Variants in SDK1 observed in about 807,000 individuals in gnomAD.
SDK1 encodes the protein protein sidekick-1.
In SDK1, 157 loss-of-function variants were observed where a neutral mutation model predicts 245.5. The ratio of observed to expected loss-of-function variants is 0.64; its 90% confidence interval spans 0.56 to 0.73. The LOEUF is 0.73. SDK1 is among the 30% of genes least tolerant of loss of function. The pLI is 0.00. For synonymous variants in SDK1, 1,647 were observed against 1,278.5 expected (o/e 1.29, Z -6.15); for missense variants, 3,583 against 3,002.3 (o/e 1.19, Z -4.52).
chr7:3,462,838 G>A (rs991249044), intron 1 of SDK1, among the ~76,000 whole-genome samples: 1 of 152,144 alleles, frequency 6.6e-6, no homozygotes, highest in Non-Finnish European at 1.5e-5. Context: ...TTTCTAGTCT[G>A]TCTGGGACTC....
At chr7:3,504,160 C>G (rs568642755) in intron 1 of SDK1, among the ~76,000 whole-genome samples, 2 of 95,886 alleles carry the variant, frequency 2.1e-5, no homozygotes, top group East Asian at 5.4e-4. Flanking sequence ...AAAAAAAAAC[C>G]AAAAAAATTA....
At chr7:3,675,582 T>C (rs1005592905) in intron 4 of SDK1, among the ~76,000 whole-genome samples, 1 of 151,884 alleles carries the variant, frequency 6.6e-6, no homozygotes, top group African/African-American at 2.4e-5. Context: ...TTTGTTTGTT[T>C]GTTTGTAAAG....
Position 3,429,591 on chromosome 7 carries a change from G to A in SDK1, c.298+127707G>A, listed in dbSNP as rs1315027494. The stretch of plus-strand genomic sequence containing the variant: ...TGTAATTTGATACCCAGTCCACACT[G>A]CAAAAGCCTATTTTTTTTTTTTTTT... On this transcript the variant is annotated intron_variant, in intron 1 of 44. Transcript: ENST00000404826. Among the ~76,000 whole-genome samples the A allele has an allele frequency of 2.7e-5, 4 of 148,888 alleles. No individual in the cohort carries two copies. In the East Asian group the frequency reaches 7.9e-4, roughly 29 times the overall value.
At chr7:3,430,510 A>T (rs1040717647) in intron 1 of SDK1, among the ~76,000 whole-genome samples, 1 of 152,038 alleles carries the variant, frequency 6.6e-6, no homozygotes, top group Admixed American at 6.6e-5. Flanking sequence ...ACTTGAAACA[A>T]GCTTCCTCCT....
Position 3,971,533 on chromosome 7 carries a change from C to T in SDK1, c.1782C>T (p.His594=). ...VVIKGTTATL[H]CGATHDPRVS... The stretch of plus-strand genomic sequence containing the variant: ...TTAAGGGGACCACGGCCACGCTGCA[C>T]TGTGGTGCCACACATGACCCCCGGG... The change falls in exon 12 of 45, where the codon CAC becomes CAT. Residue 594 remains histidine (H), a synonymous_variant. Coordinates refer to ENST00000404826, the MANE Select transcript of SDK1 (RefSeq NM_152744.4). 1 of 1,613,646 alleles carries T rather than the reference C, an allele frequency of 6.2e-7. No homozygotes were observed. The highest frequency in any genetic ancestry group is 8.5e-7 in the Non-Finnish European group (1 of 1,179,778).
At chr7:3,921,797 C>T (rs1226928672) in intron 5 of SDK1, among the ~76,000 whole-genome samples, 1 of 152,016 alleles carries the variant, frequency 6.6e-6, no homozygotes, top group Non-Finnish European at 1.5e-5. Context: ...CAGACCCCAT[C>T]TCTATAAAAA....
intron 2 of SDK1, among the ~76,000 whole-genome samples, chr7:3,629,935 C>CAAGAAAA (rs1345841213): frequency 2.0e-5 from 3 of 151,948 alleles, no homozygotes; most frequent in Non-Finnish European, 4.4e-5. Flanking sequence ...AAAGTAGAGA[C>CAAGAAAA]ACGAAAAACA....
chr7:4,074,886 GTATATA>G (rs1240017364), intron 20 of SDK1, among the ~76,000 whole-genome samples: 9 of 48,108 alleles, frequency 1.9e-4, no homozygotes, highest in East Asian at 4.3e-4. Flanking sequence ...CTCTCTCTCT[GTATATA>G]TATATATATA....
At chr7:4,073,913 C>T (rs529576370) in intron 20 of SDK1, among the ~76,000 whole-genome samples, 1 of 152,160 alleles carries the variant, frequency 6.6e-6, no homozygotes, top group Non-Finnish European at 1.5e-5. Flanking sequence ...AGCGATTTAT[C>T]CCCTAGTGCT....
intron 4 of SDK1, among the ~76,000 whole-genome samples, chr7:3,747,534 A>G (rs147469381): frequency 1.7e-4 from 26 of 152,340 alleles, no homozygotes; most frequent in Non-Finnish European, 2.9e-4. Context: ...GGCCTTGTCT[A>G]TGCAGGACAG....
At chr7:3,621,466 C>G (rs925633642) in intron 2 of SDK1, among the ~76,000 whole-genome samples, 1 of 152,140 alleles carries the variant, frequency 6.6e-6, no homozygotes, top group African/African-American at 2.4e-5. Flanking sequence ...TCAAAGAACC[C>G]AGATTGTTCT....
At position 3,969,394 on chromosome 7, in the gene SDK1, C is replaced by T; in HGVS notation, c.1684C>T (p.Leu562=). 1 of 1,605,690 alleles carries T rather than the reference C, an allele frequency of 6.2e-7. No homozygotes were observed. The highest frequency in any genetic ancestry group is 1.7e-4 in the Middle Eastern group (1 of 6,048). ...CTATGCGGCCAACACAGAGGGCTCCCTGAATGCATCGGCCACGCTCACTGT... is the reference window on the plus strand; with the variant it reads ...CTATGCGGCCAACACAGAGGGCTCCTTGAATGCATCGGCCACGCTCACTGT... ...TCYAANTEGS[L]NASATLTVWN... Residue 562 remains leucine (L), a synonymous_variant, in exon 11 of 45, where the codon CTG becomes TTG. Coordinates refer to ENST00000404826, the MANE Select transcript of SDK1 (RefSeq NM_152744.4).
rs532058914 is a variant in SDK1, at chr7:3,478,822, G to A, written c.299-140258G>A. On this transcript the variant is annotated intron_variant, in intron 1 of 44. Transcript: ENST00000404826. ...TTCAGCCTATATTCTTTTATCATTT[G>A]AACATTTAAATGTGTACGTTTTTTT... 2.6e-5 allele frequency among the ~76,000 whole-genome samples: 4 copies of A among 151,406 alleles called. No individual in the cohort carries two copies. The East Asian group carries it at 7.8e-4, about 30-fold the overall frequency.
At chr7:4,091,303 T>C (rs984778446) in intron 22 of SDK1, among the ~76,000 whole-genome samples, 2 of 151,768 alleles carry the variant, frequency 1.3e-5, no homozygotes, top group Admixed American at 6.6e-5. Flanking sequence ...CTGGCTTAGA[T>C]TTCTCCACAT....
At chr7:3,991,585 T>C (rs547465314) in intron 14 of SDK1, among the ~76,000 whole-genome samples, 17 of 152,258 alleles carry the variant, frequency 1.1e-4, no homozygotes, top group African/African-American at 3.9e-4. Context: ...GCTGCTTAAT[T>C]TCACTCAGAA....
intron 5 of SDK1, among the ~76,000 whole-genome samples, chr7:3,841,763 A>T (rs965853173): frequency 1.3e-5 from 2 of 151,930 alleles, no homozygotes; most frequent in African/African-American, 4.8e-5. Context: ...GGGTTTCACT[A>T]TGTTGGTCAG....
Position 4,178,716 on chromosome 7 carries a change from C to CACAT in SDK1, c.5098+130_5098+131insACAT, listed in dbSNP as rs1354358891. On this transcript the variant is annotated intron_variant, in intron 35 of 44. Transcript: ENST00000404826. ...CTCCTTGAACACATTGCTGTCGGGG[C>CACAT]TGAGGTCTCCACGCCACTGGCAGGG... is the stretch of plus-strand genomic sequence containing the variant. 6 of 655,604 alleles carry CACAT rather than the reference C, an allele frequency of 9.2e-6. No homozygotes were observed. In the African/African-American group the frequency reaches 1.1e-4, roughly 12 times the overall value. The allele number at this position is 655,604 out of a possible 1,614,324, so 40.6% of individuals were successfully genotyped here.
rs991951134 is a variant in SDK1, at chr7:4,237,513, G to A, written c.5993-134G>A. ...ATGGGAAAAGTCCACCCGCCCGGCT[G>A]GACATTGGTTTCATCTCACCTGTAA... On this transcript the variant is annotated intron_variant, in intron 41 of 44. Coordinates refer to ENST00000404826, the MANE Select transcript of SDK1 (RefSeq NM_152744.4). The A allele has an allele frequency of 1.3e-5, 13 of 968,466 alleles. No individual in the cohort carries two copies. In the South Asian group the frequency reaches 2.0e-4, roughly 15 times the overall value. 60.0% of individuals were successfully genotyped at this position (968,466 alleles called of 1,614,324 possible). A position where few individuals can be genotyped will look rare whatever the true frequency, so the allele number is the denominator to read the frequency against.
intron 1 of SDK1, among the ~76,000 whole-genome samples, chr7:3,457,559 C>A (rs1287859926): frequency 6.6e-6 from 1 of 152,174 alleles, no homozygotes; most frequent in Non-Finnish European, 1.5e-5. Flanking sequence ...TCCTCTCTTT[C>A]CAGGTTTCTG....
Sources: allele counts gnomAD v4.1 joint callset (sites outside exome capture counted in the v4.1 genomes callset), GRCh38; gene constraint gnomAD v4.1.1; transcripts MANE v1.5; gene names NCBI Gene and HGNC (gene_info 2026-07-23, HGNC 2026-07-21).